The following SGCZ variants were observed in gnomAD, a reference collection of about 807,000 sequenced individuals.
SGCZ encodes zeta-sarcoglycan.
In SGCZ, 40 loss-of-function variants were observed where a neutral mutation model predicts 41.3. That is an observed-to-expected ratio of 0.97 (90% CI 0.75 to 1.26). The LOEUF is 1.26. SGCZ is among the 50% of genes most tolerant of loss of function. The pLI is 0.00. For synonymous variants in SGCZ, 206 were observed against 137.5 expected (o/e 1.50, Z -3.49); for missense variants, 552 against 369.8 (o/e 1.49, Z -4.04).
At position 15,081,714 on chromosome 8, in the gene SGCZ, G is replaced by A. The variant is rs562585810; in HGVS notation, c.39+155871C>T. The stretch of plus-strand genomic sequence containing the variant: ...AATGTACACAAGCTGCCAAATTTTC[G>A]GATTTTTCTTAACAACACCAATTTC... On this transcript the variant is annotated intron_variant, in intron 1 of 7. Coordinates refer to ENST00000382080, the MANE Select transcript of SGCZ (RefSeq NM_139167.4). Among the ~76,000 whole-genome samples, 106 of 152,092 alleles carry A rather than the reference G, an allele frequency of 7.0e-4. No individual in the cohort carries two copies. The Middle Eastern group carries it at 0.017, about 24-fold the overall frequency.
At chr8:14,424,572 A>T (rs1799724873) in intron 2 of SGCZ, among the ~76,000 whole-genome samples, 1 of 152,148 alleles carries the variant, frequency 6.6e-6, no homozygotes, top group African/African-American at 2.4e-5. Context: ...TGTGTTTGGA[A>T]CTACTATATC....
intron 1 of SGCZ, among the ~76,000 whole-genome samples, chr8:14,718,254 T>G (rs757359130): frequency 1.3e-5 from 2 of 151,942 alleles, no homozygotes; most frequent in Admixed American, 6.6e-5. Flanking sequence ...TGTTTTAATT[T>G]TTCGTCAGGT....
chr8:14,248,730 C>A (rs185311842), intron 3 of SGCZ, among the ~76,000 whole-genome samples: 1 of 137,296 alleles, frequency 7.3e-6, no homozygotes, highest in Admixed American at 8.1e-5. Flanking sequence ...ATGATAATTA[C>A]ATTTGTACTA....
chr8:14,634,803 C>T (rs773313087), intron 1 of SGCZ, among the ~76,000 whole-genome samples: 3 of 151,812 alleles, frequency 2.0e-5, no homozygotes, highest in Non-Finnish European at 4.4e-5. Context: ...GAATTACTTT[C>T]CAGATAATTC....
intron 2 of SGCZ, among the ~76,000 whole-genome samples, chr8:14,376,722 T>C (rs1312784717): frequency 6.6e-6 from 1 of 152,056 alleles, no homozygotes; most frequent in Non-Finnish European, 1.5e-5. Flanking sequence ...AAAGGTGCCA[T>C]AAAAGAAGAA....
At chr8:14,393,820 T>C (rs1031233909) in intron 2 of SGCZ, among the ~76,000 whole-genome samples, 10 of 152,150 alleles carry the variant, frequency 6.6e-5, no homozygotes, top group African/African-American at 2.2e-4. Context: ...CTGTGCTCAA[T>C]AAATGCATTG....
chr8:14,981,037 T>G (rs546184531), intron 1 of SGCZ, among the ~76,000 whole-genome samples: 1 of 152,172 alleles, frequency 6.6e-6, no homozygotes, highest in Non-Finnish European at 1.5e-5. Context: ...ACTGCCCTAC[T>G]AAATCTTAAT....
chr8:14,644,153 G>A (rs1359589380), intron 1 of SGCZ, among the ~76,000 whole-genome samples: 2 of 151,638 alleles, frequency 1.3e-5, no homozygotes, highest in Admixed American at 6.6e-5. Context: ...GCTAGGCTAT[G>A]GTGCCCAGTT....
At chr8:14,346,103 A>G (rs1289695671) in intron 2 of SGCZ, among the ~76,000 whole-genome samples, 4 of 152,130 alleles carry the variant, frequency 2.6e-5, no homozygotes, top group Admixed American at 1.3e-4. Context: ...TTATATGTCA[A>G]TATCGGCTCT....
intron 1 of SGCZ, among the ~76,000 whole-genome samples, chr8:14,729,657 A>AATCG (rs1461543229): frequency 7.3e-6 from 1 of 137,326 alleles, no homozygotes; most frequent in Non-Finnish European, 1.5e-5. Flanking sequence ...TCAATCAATC[A>AATCG]ATCAATCAAT....
At chr8:14,999,567 G>A (rs1313048552) in intron 1 of SGCZ, among the ~76,000 whole-genome samples, 1 of 152,206 alleles carries the variant, frequency 6.6e-6, no homozygotes, top group Non-Finnish European at 1.5e-5. Flanking sequence ...GAAGTGGTGA[G>A]ACAGAGGCTG....
At chr8:14,713,681 C>A (rs1007277966) in intron 1 of SGCZ, among the ~76,000 whole-genome samples, 27 of 145,076 alleles carry the variant, frequency 1.9e-4, no homozygotes, top group African/African-American at 6.9e-4. Context: ...ACAGTAATAA[C>A]CCCTGCCGCA....
At chr8:14,270,961 A>C (rs888016657) in intron 3 of SGCZ, among the ~76,000 whole-genome samples, 10 of 152,080 alleles carry the variant, frequency 6.6e-5, no homozygotes, top group African/African-American at 9.7e-5. Context: ...AAAACCAAAC[A>C]CCACATGTTC....
intron 1 of SGCZ, among the ~76,000 whole-genome samples, chr8:15,195,146 C>T (rs1800680911): frequency 6.6e-6 from 1 of 152,110 alleles, no homozygotes; most frequent in East Asian, 1.9e-4. Flanking sequence ...AACTGTAATA[C>T]AGTCTCTAAT....
intron 1 of SGCZ, 38 bp downstream of exon 1, chr8:15,237,547 G>T: frequency 1.3e-6 from 2 of 1,579,120 alleles, no homozygotes; most frequent in Admixed American, 1.8e-5. Flanking sequence ...AGGGAGCGCC[G>T]AGAAGCGGCC....
chr8:14,836,195 A>C (rs1395709616), intron 1 of SGCZ, among the ~76,000 whole-genome samples: 1 of 131,622 alleles, frequency 7.6e-6, no homozygotes, highest in Non-Finnish European at 1.7e-5. Flanking sequence ...GCACTGCCTA[A>C]AAACAAAAAA....
rs532948253 is a variant in SGCZ, at chr8:14,222,404, G to C, written c.424+15188C>G. ...AGGCTGGTCTTGAGCTCCTGACCTT[G>C]TGATCCACCCACCTCCGCCTCCCAA... On this transcript the variant is annotated intron_variant, in intron 4 of 7. Transcript: ENST00000382080. 4.6e-5 allele frequency among the ~76,000 whole-genome samples: 7 copies of C among 152,052 alleles called. No homozygotes were observed. The South Asian group carries it at 1.5e-3, about 32-fold the overall frequency.
intron 1 of SGCZ, among the ~76,000 whole-genome samples, chr8:14,841,650 G>A (rs1232420175): frequency 6.6e-6 from 1 of 152,196 alleles, no homozygotes; most frequent in Non-Finnish European, 1.5e-5. Flanking sequence ...ATGGCCAAGA[G>A]TTGTGTTATG....
chr8:14,368,746 C>A (rs1003202036), intron 2 of SGCZ, among the ~76,000 whole-genome samples: 1 of 151,946 alleles, frequency 6.6e-6, no homozygotes, highest in Admixed American at 6.6e-5. Context: ...GTCTTCTGAG[C>A]ACTGTGTTGG....
Sources: allele counts gnomAD v4.1 joint callset (sites outside exome capture counted in the v4.1 genomes callset), GRCh38; gene constraint gnomAD v4.1.1; transcripts MANE v1.5; gene names NCBI Gene and HGNC (gene_info 2026-07-23, HGNC 2026-07-21).